The following ZMYM5 variants were observed in gnomAD, a reference collection of about 807,000 sequenced individuals.
The protein encoded by ZMYM5 is zinc finger MYM-type protein 5.
ZMYM5 carries 41 observed loss-of-function variants against 61.8 expected under a neutral mutation model. That is an observed-to-expected ratio of 0.66 (90% CI 0.52 to 0.86). The LOEUF is 0.86. Among genes scored for constraint, ZMYM5 ranks in the 40% least tolerant of loss-of-function variants. The probability of loss-of-function intolerance (pLI) is 0.00; values close to 1 mark genes in which losing one functional copy is unlikely to be tolerated. For synonymous variants in ZMYM5, 257 were observed against 276.4 expected (o/e 0.93, Z 0.70); for missense variants, 706 against 786.7 (o/e 0.90, Z 1.23).
At chr13:19,863,059 G>T (rs557972655) in intron 1 of ZMYM5, among the ~76,000 whole-genome samples, 1 of 152,328 alleles carries the variant, frequency 6.6e-6, no homozygotes, top group African/African-American at 2.4e-5. Flanking sequence ...CGGCTCCGGC[G>T]GCAGGGTGGC....
At chr13:19,831,727 A>T (rs181336517) in intron 7 of ZMYM5, among the ~76,000 whole-genome samples, 23 of 111,452 alleles carry the variant, frequency 2.1e-4, no homozygotes, top group Admixed American at 7.2e-4. Flanking sequence ...TTGAAGCGGG[A>T]GGTGGAGGTT....
At chr13:19,852,226 A>T in intron 2 of ZMYM5, 36 bp from the exon 3 acceptor site, 1 of 1,495,342 alleles carries the variant, frequency 6.7e-7, no homozygotes, top group Non-Finnish European at 8.8e-7. Flanking sequence ...AAGTTCTAGT[A>T]TGTTATGGTT....
At chr13:19,858,858 T>C (rs1213501022) in intron 2 of ZMYM5, among the ~76,000 whole-genome samples, 1 of 152,128 alleles carries the variant, frequency 6.6e-6, no homozygotes, top group African/African-American at 2.4e-5. Flanking sequence ...TGGAACAGAA[T>C]GGGCAGATGC....
At chr13:19,826,538 C>T (rs769216264) in intron 7 of ZMYM5, among the ~76,000 whole-genome samples, 5 of 151,846 alleles carry the variant, frequency 3.3e-5, no homozygotes, top group Non-Finnish European at 7.4e-5. Context: ...GGGGGGATCA[C>T]GAGGTCAGGA....
rs773312492 is a variant in ZMYM5, at chr13:19,825,011, GGAA to G, written c.1473_1475del (p.Ser492del). The G allele has an allele frequency of 1.4e-5, 19 of 1,367,364 alleles. No individual in the cohort carries two copies. In the East Asian group the frequency reaches 4.5e-4, roughly 33 times the overall value. 84.7% of individuals were successfully genotyped at this position (1,367,364 alleles called of 1,614,324 possible). ...GAAATGTATCAGCTATGGTTGACGT[GGAA>G]GAAGGAGGTAAATTCACATTCTCTT... On this transcript the variant is annotated inframe_deletion, in exon 8 of 8. Transcript: ENST00000337963.
chr13:19,832,418 C>T (rs914763268), intron 7 of ZMYM5, among the ~76,000 whole-genome samples: 1 of 151,840 alleles, frequency 6.6e-6, no homozygotes, highest in African/African-American at 2.4e-5. Context: ...CCTCCACCTC[C>T]CAGGTTCAAG....
At chr13:19,837,311 G>T in intron 6 of ZMYM5, 2 of 760,398 alleles carry the variant, frequency 2.6e-6, no homozygotes, top group Admixed American at 4.7e-5. Flanking sequence ...GAGCCACCAC[G>T]TCCGGCCCCA....
At chr13:19,847,803 A>ATTTTTTTTTTTTTT (rs34176871) in intron 4 of ZMYM5, among the ~76,000 whole-genome samples, 320 of 79,812 alleles carry the variant, frequency 4.0e-3, no homozygotes, top group Middle Eastern at 0.011. Flanking sequence ...TGCCCGGCTA[A>ATTTTTTTTTTTTTT]TTTTTTTTTT....
chr13:19,836,584 T>C (rs1952681360), intron 6 of ZMYM5, among the ~76,000 whole-genome samples: 1 of 152,150 alleles, frequency 6.6e-6, no homozygotes, highest in African/African-American at 2.4e-5. Context: ...GTTGGGATTA[T>C]ATGTATGAGT....
At chr13:19,857,210 G>A (rs1345658695) in intron 2 of ZMYM5, among the ~76,000 whole-genome samples, 1 of 152,214 alleles carries the variant, frequency 6.6e-6, no homozygotes, top group African/African-American at 2.4e-5. Flanking sequence ...TTCAGCAACT[G>A]TCTAATTTTA....
At position 19,824,733 on chromosome 13, in the gene ZMYM5, T is replaced by C; in HGVS notation, c.1754A>G (p.Lys585Arg). The C allele has an allele frequency of 7.4e-7, 1 of 1,360,442 alleles. No homozygotes were observed. The highest frequency in any genetic ancestry group is 1.2e-5 in the South Asian group (1 of 86,242). 84.3% of individuals were successfully genotyped at this position (1,360,442 alleles called of 1,614,324 possible). A position where few individuals can be genotyped will look rare whatever the true frequency, so the allele number is the denominator to read the frequency against. Residue 585 changes from lysine to arginine, a missense_variant, in exon 8 of 8, where the codon AAA (lysine) becomes AGA (arginine). Lys to Arg is a conservative substitution (Grantham distance 26). Around this residue, in one of 2 missense-constraint regions of ZMYM5, gnomAD observed 226 missense variants for 325.0 expected, o/e 0.70. Coordinates refer to ENST00000337963, the MANE Select transcript of ZMYM5 (RefSeq NM_001142684.2). ...GCAATATAGACAAAACACAGAATCT[T>C]TTGAGGTTGAATAAAGTAACCAGGA... ...TRSWLLYSTS[K>R]DSVFCLYCKL... is the part of the protein sequence containing the mutation.
chr13:19,853,712 C>T (rs1391665197), intron 2 of ZMYM5, among the ~76,000 whole-genome samples: 2 of 151,672 alleles, frequency 1.3e-5, no homozygotes, highest in Admixed American at 6.6e-5. Context: ...AGTGATCCCC[C>T]GGCTTTAACT....
chr13:19,825,204 G>A lies in ZMYM5; in HGVS notation c.1283C>T (p.Ala428Val), dbSNP rs1388422498. The change falls in exon 8 of 8, where the codon GCA becomes GTA. Residue 428 changes from alanine (A) to valine (V), a missense_variant. Around this residue, in one of 2 missense-constraint regions of ZMYM5, gnomAD observed 226 missense variants for 325.0 expected, o/e 0.70. Transcript: ENST00000337963. The part of the protein sequence containing the change: ...MMETKSKKLT[A>V]SENRKRNAFR... ...AGCATTCCTTTTTCTATTTTCTGATGCTGTTAATTTTTTTGATTTTGTTTC... is the reference window on the plus strand; with the variant it reads ...AGCATTCCTTTTTCTATTTTCTGATACTGTTAATTTTTTTGATTTTGTTTC... 6 of 1,267,318 alleles carry A rather than the reference G, an allele frequency of 4.7e-6. No individual in the cohort carries two copies. Among genetic ancestry groups the A allele is most frequent in the African/African-American group, 1.6e-5 (1 of 63,392 alleles). The allele number at this position is 1,267,318 out of a possible 1,614,324, so 78.5% of individuals were successfully genotyped here.
chr13:19,840,993 A>AC (rs1469262082), intron 4 of ZMYM5, among the ~76,000 whole-genome samples: 1 of 82,428 alleles, frequency 1.2e-5, no homozygotes, highest in Non-Finnish European at 2.4e-5. Context: ...GCCACTTTTT[A>AC]CTTTTTTTTT....
intron 7 of ZMYM5, among the ~76,000 whole-genome samples, chr13:19,825,561 C>T (rs9579705): frequency 0.083 from 12,533 of 151,742 alleles, 559 homozygotes; most frequent in Middle Eastern, 0.13. Flanking sequence ...GCAGGAGAAT[C>T]GCCTGAACCC....
chr13:19,849,135 T>C lies in ZMYM5; in HGVS notation c.586+2220A>G, dbSNP rs540829055. ...GTGGTTACTAAAACTTATATATACA[T>C]ATTTTTAGAGACAGAGTCCCACTCT... On this transcript the variant is annotated intron_variant, in intron 4 of 7. Transcript: ENST00000337963. Among the ~76,000 whole-genome samples, 6 of 152,228 alleles carry C rather than the reference T, an allele frequency of 3.9e-5. No homozygotes were observed. In the South Asian group the frequency reaches 1.2e-3, roughly 32 times the overall value.
At chr13:19,830,619 C>T (rs12869208) in intron 7 of ZMYM5, among the ~76,000 whole-genome samples, 14 of 151,410 alleles carry the variant, frequency 9.2e-5, no homozygotes, top group Admixed American at 2.0e-4. Context: ...CTGCAACCTC[C>T]GCCTCCCAGG....
intron 2 of ZMYM5, among the ~76,000 whole-genome samples, chr13:19,854,582 T>C (rs1953435943): frequency 6.8e-6 from 1 of 146,518 alleles, no homozygotes; most frequent in African/African-American, 2.5e-5. Flanking sequence ...GAGCTGAGAT[T>C]GTGCCACTGC....
rs756768755 is a variant in ZMYM5, at chr13:19,835,712, TTAAC to T, written c.1039-27_1039-24del. 36 of 1,360,366 alleles carry T rather than the reference TTAAC, an allele frequency of 2.6e-5. No homozygotes were observed. In the Admixed American group the frequency reaches 4.4e-4, roughly 17 times the overall value. The allele number at this position is 1,360,366 out of a possible 1,614,324, so 84.3% of individuals were successfully genotyped here. On this transcript the variant is annotated intron_variant, in intron 6 of 7. Transcript: ENST00000337963. ...AATCTAAAAGAAAAACCAGAATTCA[TTAAC>T]TAAGATATATGAACCAGATTAGCAT...
Sources: allele counts gnomAD v4.1 joint callset (sites outside exome capture counted in the v4.1 genomes callset), GRCh38; gene constraint gnomAD v4.1.1; regional missense constraint gnomAD v4.1.1; transcripts MANE v1.5; gene names NCBI Gene and HGNC (gene_info 2026-07-23, HGNC 2026-07-21).